The following UBE2V2 variants were observed in gnomAD, a reference collection of about 807,000 sequenced individuals.
UBE2V2 encodes ubiquitin-conjugating enzyme E2 variant 2.
In UBE2V2, 9 loss-of-function variants were observed where a neutral mutation model predicts 17.2. The observed-to-expected ratio is 0.52, with a 90% CI of 0.32 to 0.91. The LOEUF is 0.91. Ranked by LOEUF, UBE2V2 falls within the 40% of genes least tolerant of loss-of-function variation. The pLI, the probability that UBE2V2 is intolerant of heterozygous loss-of-function variation, is 0.04. For synonymous variants in UBE2V2, 61 were observed against 57.5 expected (o/e 1.06, Z -0.28); for missense variants, 133 against 182.6 (o/e 0.73, Z 1.56).
At chr8:48,036,888 T>C (rs540332690) in intron 1 of UBE2V2, among the ~76,000 whole-genome samples, 3 of 152,096 alleles carry the variant, frequency 2.0e-5, no homozygotes, top group South Asian at 4.2e-4. Flanking sequence ...ATAGTTAATA[T>C]ATATGAGCTG....
chr8:48,025,750 C>T (rs765300808), intron 1 of UBE2V2, among the ~76,000 whole-genome samples: 80 of 152,050 alleles, frequency 5.3e-4, no homozygotes, highest in Non-Finnish European at 9.0e-4. Flanking sequence ...TAGGCACCCG[C>T]CACCACGACC....
chr8:48,046,340 G>A (rs1421656152), intron 2 of UBE2V2, among the ~76,000 whole-genome samples: 3 of 152,004 alleles, frequency 2.0e-5, no homozygotes, highest in Non-Finnish European at 4.4e-5. Flanking sequence ...GGATGGTCTC[G>A]ATCTCCTGAC....
intron 1 of UBE2V2, among the ~76,000 whole-genome samples, chr8:48,018,157 A>G (rs1172969718): frequency 6.6e-6 from 1 of 152,138 alleles, no homozygotes; most frequent in Admixed American, 6.6e-5. Context: ...CAATTTTGCC[A>G]CTTCTGTTCA....
intron 1 of UBE2V2, among the ~76,000 whole-genome samples, chr8:48,025,909 C>G (rs1280944587): frequency 2.0e-5 from 3 of 151,996 alleles, no homozygotes; most frequent in Admixed American, 2.0e-4. Flanking sequence ...TCTGGATTTT[C>G]TATCTGAGGT....
At chr8:48,001,032 C>T in the UBE2V2 span, among the ~76,000 whole-genome samples, 1 of 152,110 alleles carries the variant, frequency 6.6e-6, no homozygotes, top group Non-Finnish European at 1.5e-5. Context: ...GTAAACAGCA[C>T]TTTGTGGATT....
intron 3 of UBE2V2, 101 bp from the exon 4 acceptor site, chr8:48,060,581 C>A: frequency 8.8e-7 from 1 of 1,129,980 alleles, no homozygotes; most frequent in Non-Finnish European, 1.2e-6. Context: ...TAGAGGCAAG[C>A]TATGAATTTT....
At chr8:48,013,763 C>T (rs2091249062) in intron 1 of UBE2V2, among the ~76,000 whole-genome samples, 1 of 152,054 alleles carries the variant, frequency 6.6e-6, no homozygotes, top group Admixed American at 6.6e-5. Context: ...AGGCAGAAAA[C>T]AAAACCAAAA....
the UBE2V2 span, among the ~76,000 whole-genome samples, chr8:47,999,249 C>A: frequency 6.6e-6 from 1 of 152,232 alleles, no homozygotes; most frequent in Non-Finnish European, 1.5e-5. Context: ...TTGTCCCTAA[C>A]AATATCCAAG....
chr8:48,011,430 G>A (rs565646759), intron 1 of UBE2V2, among the ~76,000 whole-genome samples: 1 of 152,230 alleles, frequency 6.6e-6, no homozygotes, highest in Admixed American at 6.5e-5. Context: ...CATCTGCTCC[G>A]GCCTCCCAAA....
chr8:48,024,115 A>G (rs1339332441), intron 1 of UBE2V2, among the ~76,000 whole-genome samples: 1 of 152,192 alleles, frequency 6.6e-6, no homozygotes, highest in South Asian at 2.1e-4. Context: ...AGAAGGAGAT[A>G]AATCCTTGTG....
chr8:48,042,986 T>G, intron 1 of UBE2V2, 47 bp from the exon 2 acceptor site: 1 of 1,378,228 alleles, frequency 7.3e-7, no homozygotes, highest in Non-Finnish European at 9.5e-7. Flanking sequence ...CGTGTAGCTC[T>G]TATAATTATG....
At chr8:48,059,207 T>A (rs1407005500) in intron 3 of UBE2V2, among the ~76,000 whole-genome samples, 1 of 151,982 alleles carries the variant, frequency 6.6e-6, no homozygotes, top group African/African-American at 2.4e-5. Flanking sequence ...AGTGCTAGGA[T>A]TACAGGCGTG....
chr8:48,037,112 A>G (rs1589859325), intron 1 of UBE2V2, among the ~76,000 whole-genome samples: 1 of 152,282 alleles, frequency 6.6e-6, no homozygotes, highest in Non-Finnish European at 1.5e-5. Flanking sequence ...CCTGGAAGCA[A>G]AGGTTGCAGT....
At chr8:48,020,891 C>T (rs906926405) in intron 1 of UBE2V2, among the ~76,000 whole-genome samples, 17 of 151,656 alleles carry the variant, frequency 1.1e-4, no homozygotes, top group Admixed American at 6.6e-5. Context: ...GCATGTGCCA[C>T]GATGCCCAGC....
At chr8:48,017,817 TC>T (rs1204816543) in intron 1 of UBE2V2, among the ~76,000 whole-genome samples, 4 of 151,670 alleles carry the variant, frequency 2.6e-5, no homozygotes, top group Non-Finnish European at 5.9e-5. Flanking sequence ...TGACTTTTCT[TC>T]CTGTTTTCTA....
chr8:48,009,332 C>G (rs1589846866), intron 1 of UBE2V2, among the ~76,000 whole-genome samples: 1 of 139,350 alleles, frequency 7.2e-6, no homozygotes. Context: ...GTGGTGTGAT[C>G]TCGGCTCACT....
chr8:48,012,983 T>C (rs2091244186), intron 1 of UBE2V2, among the ~76,000 whole-genome samples: 1 of 150,736 alleles, frequency 6.6e-6, no homozygotes, highest in Admixed American at 6.6e-5. Flanking sequence ...GTAGCTGGGA[T>C]TACAGGTGTG....
intron 2 of UBE2V2, among the ~76,000 whole-genome samples, chr8:48,046,212 C>T (rs1432925295): frequency 3.3e-5 from 5 of 152,076 alleles, no homozygotes; most frequent in Admixed American, 6.5e-5. Flanking sequence ...CTCTGCCTCC[C>T]GCGTTCATAC....
chr8:48,034,165 G>A (rs1168640253), intron 1 of UBE2V2, among the ~76,000 whole-genome samples: 4 of 141,164 alleles, frequency 2.8e-5, no homozygotes, highest in African/African-American at 1.2e-4. Context: ...CACTGTCACC[G>A]GGCTGGAGTG....
Sources: gnomAD v4.1 joint callset for allele counts (sites outside exome capture counted in the v4.1 genomes callset) on GRCh38, gnomAD v4.1.1 for gene constraint, MANE v1.5 for transcripts, NCBI Gene and HGNC (gene_info 2026-07-23, HGNC 2026-07-21) for gene names.